LMX1B: variants seen among roughly 807,000 people sequenced by gnomAD.
LMX1B encodes LIM homeobox transcription factor 1-beta.
Under a neutral mutation model 51.4 loss-of-function variants are expected in LMX1B, and 12 were observed. The observed-to-expected ratio is 0.23, with a 90% CI of 0.15 to 0.38. The LOEUF is 0.38. Ranked by LOEUF, LMX1B falls within the 10% of genes least tolerant of loss-of-function variation. The pLI is 1.00. For synonymous variants in LMX1B, 237 were observed against 235.4 expected (o/e 1.01, Z -0.06); for missense variants, 445 against 571.1 (o/e 0.78, Z 2.25).
rs1033141766 is a variant in LMX1B at position 126,700,075 on chromosome 9, G to A, written c.*3624G>A. 6.6e-6 allele frequency: 1 copy of A among 152,194 alleles called. No homozygotes were observed. The highest frequency in any genetic ancestry group is 2.4e-5 in the African/African-American group (1 of 41,434). 9.4% of individuals were successfully genotyped at this position (152,194 alleles called of 1,614,324 possible). On this transcript the variant is annotated 3_prime_UTR_variant, in exon 8 of 8. Transcript: ENST00000373474. ...ATTGCCCCAGGTAACACAGGGCAGA[G>A]GAGGGACAAAAAGCTGGGCATGGCC...
At position 126,625,713 on chromosome 9, in the gene LMX1B, G is replaced by GCCGCCGCCA. The variant is rs1446233009; in HGVS notation, c.326+10147_326+10155dup. 6.6e-6 allele frequency among the ~76,000 whole-genome samples: 1 copy of GCCGCCGCCA among 152,148 alleles called. No homozygotes were observed. Among genetic ancestry groups the GCCGCCGCCA allele is most frequent in the Admixed American group, 6.5e-5 (1 of 15,282 alleles). On this transcript the variant is annotated intron_variant, in intron 2 of 7. Coordinates refer to ENST00000373474, the MANE Select transcript of LMX1B (RefSeq NM_001174147.2). The surrounding 1 kb of genome is among the most constrained non-coding windows in gnomAD (Gnocchi z 5.3). ...CGCCTTTCTCGCCACCTCCGCCGCC[G>GCCGCCGCCA]CCGCCGCCACCCTCGTCCCACCGTT... is the stretch of plus-strand genomic sequence containing the variant.
intron 2 of LMX1B, among the ~76,000 whole-genome samples, chr9:126,690,131 G>A (rs2030068175): frequency 6.6e-6 from 1 of 152,218 alleles, no homozygotes; most frequent in African/African-American, 2.4e-5. Context: ...GGAAGCAGAG[G>A]GTAGAAAGGG....
At chr9:126,644,403 G>T (rs866453769) in intron 2 of LMX1B, among the ~76,000 whole-genome samples, 2 of 152,262 alleles carry the variant, frequency 1.3e-5, no homozygotes, top group Middle Eastern at 6.8e-3. Context: ...TCAGAAGAGG[G>T]AGGGGGGAAA....
chr9:126,655,645 A>G (rs1836102894), intron 2 of LMX1B, among the ~76,000 whole-genome samples: 1 of 152,230 alleles, frequency 6.6e-6, no homozygotes, highest in South Asian at 2.1e-4. Flanking sequence ...GAATGAATGA[A>G]TCAACCTTGG....
rs10987419 is a variant in LMX1B at position 126,700,315 on chromosome 9, T to C, written c.*3864T>C. The C allele has an allele frequency of 0.44, 67,064 of 152,030 alleles. 15,581 individuals carry two copies. Among genetic ancestry groups the C allele is most frequent in the East Asian group, 0.86 (4,400 of 5,142 alleles). The allele number at this position is 152,030 out of a possible 1,614,324, so 9.4% of individuals were successfully genotyped here. A position where few individuals can be genotyped will look rare whatever the true frequency, so the allele number is the denominator to read the frequency against. ...GGTAAAGGTGGGAAGGCCCTGGCGCTGCATCAGATGAGCAGGGCCTGGCAG... is the reference window on the plus strand; with the variant it reads ...GGTAAAGGTGGGAAGGCCCTGGCGCCGCATCAGATGAGCAGGGCCTGGCAG... On this transcript the variant is annotated 3_prime_UTR_variant, in exon 8 of 8. Coordinates refer to ENST00000373474, the MANE Select transcript of LMX1B (RefSeq NM_001174147.2).
intron 2 of LMX1B, among the ~76,000 whole-genome samples, chr9:126,664,896 G>A (rs892978837): frequency 2.0e-5 from 3 of 152,168 alleles, no homozygotes; most frequent in African/African-American, 4.8e-5. Flanking sequence ...AAATGCACAC[G>A]TTGTGCAAGT....
At chr9:126,655,302 C>T (rs540436712) in intron 2 of LMX1B, among the ~76,000 whole-genome samples, 55 of 152,292 alleles carry the variant, frequency 3.6e-4, no homozygotes, top group African/African-American at 1.3e-3. Context: ...ATGAGGGCAT[C>T]TGAGGGTCCT....
At chr9:126,687,521 C>T (rs568696412) in intron 2 of LMX1B, among the ~76,000 whole-genome samples, 12 of 152,278 alleles carry the variant, frequency 7.9e-5, no homozygotes, top group South Asian at 2.1e-4. Flanking sequence ...TGAGCCACCG[C>T]GCTGGCCTGA....
intron 7 of LMX1B, 130 bp from the exon 8 acceptor site, chr9:126,696,164 C>T (rs2030324381): frequency 4.2e-6 from 5 of 1,178,474 alleles, no homozygotes; most frequent in Non-Finnish European, 5.0e-6. Context: ...CCCAGTCCTT[C>T]TTGGCCGGCA....
intron 2 of LMX1B, among the ~76,000 whole-genome samples, chr9:126,629,505 A>G (rs1835597594): frequency 6.6e-6 from 1 of 152,178 alleles, no homozygotes; most frequent in Non-Finnish European, 1.5e-5. Flanking sequence ...AATGGAACCC[A>G]GGCATTGTGT....
chr9:126,646,537 C>T (rs751005410), intron 2 of LMX1B, among the ~76,000 whole-genome samples: 2 of 152,216 alleles, frequency 1.3e-5, no homozygotes, highest in Non-Finnish European at 2.9e-5. Context: ...CACCTGCCCT[C>T]GGGGGCCCAC....
intron 2 of LMX1B, among the ~76,000 whole-genome samples, chr9:126,653,924 A>G (rs569093524): frequency 2.0e-5 from 3 of 152,102 alleles, no homozygotes; most frequent in South Asian, 2.1e-4. Flanking sequence ...AGGCCTGGAC[A>G]TTCACTCTAT....
intron 2 of LMX1B, among the ~76,000 whole-genome samples, chr9:126,635,319 G>A (rs370869763): frequency 1.3e-5 from 2 of 152,220 alleles, no homozygotes; most frequent in Non-Finnish European, 2.9e-5. Context: ...GGAGGTAGAC[G>A]GCTAGGACTT....
At chr9:126,656,098 A>G (rs1242061055) in intron 2 of LMX1B, among the ~76,000 whole-genome samples, 1 of 152,240 alleles carries the variant, frequency 6.6e-6, no homozygotes, top group Non-Finnish European at 1.5e-5. Flanking sequence ...GAAAAATGGG[A>G]TGAGAGAGAG....
rs1160898670 is a variant in LMX1B at position 126,614,039 on chromosome 9, GCCGCGCGCCCCCCCCGCGGC to G, written c.-405_-386del. Among the ~76,000 whole-genome samples, 2 of 114,124 alleles carry G rather than the reference GCCGCGCGCCCCCCCCGCGGC, an allele frequency of 1.8e-5. No homozygotes were observed. The highest frequency in any genetic ancestry group is 3.0e-5 in the African/African-American group (1 of 33,462). 74.9% of individuals were successfully genotyped at this position (114,124 alleles called of 152,430 possible). On this transcript the variant is annotated 5_prime_UTR_variant, in exon 1 of 8. Transcript: ENST00000373474. ...TGCGCCCCGCCCGGGACCCCGCTGC[GCCGCGCGCCCCCCCCGCGGC>G]CCGCGGGGCCGCCCCTGCACCCCCA...
chr9:126,694,224 C>A (rs1208867972), intron 6 of LMX1B, among the ~76,000 whole-genome samples: 2 of 152,124 alleles, frequency 1.3e-5, no homozygotes, highest in Non-Finnish European at 2.9e-5. Flanking sequence ...CCCCATCTCA[C>A]CCTGTCCTCA....
chr9:126,655,528 G>A (rs757942890), intron 2 of LMX1B, among the ~76,000 whole-genome samples: 4 of 152,280 alleles, frequency 2.6e-5, no homozygotes, highest in African/African-American at 7.2e-5. Flanking sequence ...GGCCCTCCAC[G>A]TGGTAAGCAG....
rs531328889 is a variant in LMX1B, at chr9:126,614,046, G to GCCCC, written c.-399_-396dup. ...CGCCCGGGACCCCGCTGCGCCGCGC[G>GCCCC]CCCCCCCCGCGGCCCGCGGGGCCGC... On this transcript the variant is annotated 5_prime_UTR_variant, in exon 1 of 8. Transcript: ENST00000373474. Among the ~76,000 whole-genome samples, 56 of 104,642 alleles carry GCCCC rather than the reference G, an allele frequency of 5.4e-4. No individual in the cohort carries two copies. Among genetic ancestry groups the GCCCC allele is most frequent in the African/African-American group, 1.4e-3 (41 of 29,186 alleles). 68.6% of individuals were successfully genotyped at this position (104,642 alleles called of 152,430 possible). A position where few individuals can be genotyped will look rare whatever the true frequency, so the allele number is the denominator to read the frequency against.
chr9:126,621,985 C>T (rs1835425404), intron 2 of LMX1B, among the ~76,000 whole-genome samples: 1 of 152,122 alleles, frequency 6.6e-6, no homozygotes, highest in Non-Finnish European at 1.5e-5. Context: ...TAAATTTCTG[C>T]GTGGGCCCTT....
Sources: gnomAD v4.1 joint callset for allele counts (sites outside exome capture counted in the v4.1 genomes callset) on GRCh38, gnomAD v4.1.1 for gene constraint, Gnocchi (gnomAD v3.1) non-coding constraint, MANE v1.5 for transcripts, NCBI Gene and HGNC (gene_info 2026-07-23, HGNC 2026-07-21) for gene names.